PCDHGA11: variants seen among roughly 807,000 people sequenced by gnomAD.
PCDHGA11 encodes the protein protocadherin gamma subfamily A, 11, also known as protocadherin gamma-A11.
PCDHGA11 carries 39 observed loss-of-function variants against 60.4 expected under a neutral mutation model. The observed-to-expected ratio is 0.65, with a 90% CI of 0.50 to 0.84. The LOEUF (loss-of-function observed/expected upper bound fraction) is 0.84. Among genes scored for constraint, PCDHGA11 ranks in the 40% least tolerant of loss-of-function variants. PCDHGA11 has a pLI of 0.00. For synonymous variants in PCDHGA11, 533 were observed against 510.3 expected (o/e 1.04, Z -0.60); for missense variants, 1,165 against 1,197.7 (o/e 0.97, Z 0.40).
In PCDHGA11 at chr5:141,476,656, T is replaced by A. The variant is rs190269177; in HGVS notation, c.2434-18151T>A. 6.2e-7 allele frequency: 1 copy of A among 1,614,210 alleles called. No individual in the cohort carries two copies. The highest frequency in any genetic ancestry group is 1.3e-5 in the African/African-American group (1 of 75,064). ...ATGAGCTGAGCCGAAATGAATACTTTGCGCTTCGCGTGCAGACGCGGGAGG... is the reference window on the plus strand; with the variant it reads ...ATGAGCTGAGCCGAAATGAATACTTAGCGCTTCGCGTGCAGACGCGGGAGG... On this transcript the variant is annotated intron_variant, in intron 1 of 3. Coordinates refer to ENST00000398587, the MANE Select transcript of PCDHGA11 (RefSeq NM_018914.3). This position sits in a 1 kb window ranked among gnomAD's most constrained non-coding sequence, Gnocchi z 7.6.
chr5:141,436,298 T>C (rs1480546595), intron 1 of PCDHGA11, among the ~76,000 whole-genome samples: 3 of 152,186 alleles, frequency 2.0e-5, no homozygotes, highest in Non-Finnish European at 4.4e-5. Flanking sequence ...CATTGAGAGT[T>C]AGAGCATGAA....
chr5:141,455,492 T>G (rs958076901), intron 1 of PCDHGA11, among the ~76,000 whole-genome samples: 10 of 152,188 alleles, frequency 6.6e-5, no homozygotes, highest in Non-Finnish European at 1.2e-4. Context: ...GGAGGTGATG[T>G]CTGATTTGCA....
intron 1 of PCDHGA11, among the ~76,000 whole-genome samples, chr5:141,472,980 C>CA (rs60579131): frequency 0.042 from 3,623 of 85,966 alleles, 71 homozygotes; most frequent in South Asian, 0.079. Context: ...GAGTGAAACT[C>CA]AAAAAAAAAA....
At chr5:141,475,959 A>T (rs963363028) in intron 1 of PCDHGA11, 15 of 817,720 alleles carry the variant, frequency 1.8e-5, no homozygotes, top group East Asian at 2.6e-5. Context: ...GCGCCCCGGG[A>T]TGAGGCAGAG....
At chr5:141,438,621 T>C (rs1164140266) in intron 1 of PCDHGA11, among the ~76,000 whole-genome samples, 4 of 41,368 alleles carry the variant, frequency 9.7e-5, no homozygotes, top group Admixed American at 3.5e-4. Flanking sequence ...TATATATATA[T>C]ATATATATAT....
chr5:141,486,029 C>G lies in PCDHGA11; in HGVS notation c.2434-8778C>G. Reference sequence around the variant, plus strand: ...CACCTTTTATTTCAGTGGTCATACCCCTGATCGTGTAAGAAACCTCTTTAG... The same window carrying G: ...CACCTTTTATTTCAGTGGTCATACCGCTGATCGTGTAAGAAACCTCTTTAG... On this transcript the variant is annotated intron_variant, in intron 1 of 3. Transcript: ENST00000398587. The surrounding 1 kb of genome is among the most constrained non-coding windows in gnomAD (Gnocchi z 5.0). 6.2e-7 allele frequency: 1 copy of G among 1,614,016 alleles called. No homozygotes were observed. Among genetic ancestry groups the G allele is most frequent in the Non-Finnish European group, 8.5e-7 (1 of 1,179,900 alleles).
chr5:141,453,746 T>C (rs1345046460), intron 1 of PCDHGA11, among the ~76,000 whole-genome samples: 1 of 152,254 alleles, frequency 6.6e-6, no homozygotes, highest in Non-Finnish European at 1.5e-5. Flanking sequence ...TTAAATAACA[T>C]AAGTCTCCTA....
rs1407028245 is a variant in PCDHGA11, at chr5:141,423,313, G to A, written c.2086G>A (p.Val696Met). 3 of 1,614,184 alleles carry A rather than the reference G, an allele frequency of 1.9e-6. No homozygotes were observed. The highest frequency in any genetic ancestry group is 1.7e-6 in the Non-Finnish European group (2 of 1,180,018). Reference sequence around the variant, plus strand: ...CTCAGACCTCTCGCTGTACTTGGTGGTGGCGGTGGCCGCAGTCTCCTGCAT... The same window carrying A: ...CTCAGACCTCTCGCTGTACTTGGTGATGGCGGTGGCCGCAGTCTCCTGCAT... Reference protein sequence around the residue: ...ETSDLSLYLVVAVAAVSCIFL... With the variant: ...ETSDLSLYLVMAVAAVSCIFL... Residue 696 changes from valine to methionine, a missense_variant, in exon 1 of 4, where the codon GTG becomes ATG. Val to Met is a conservative substitution (Grantham distance 21). Coordinates refer to ENST00000398587, the MANE Select transcript of PCDHGA11 (RefSeq NM_018914.3).
chr5:141,472,980 C>CAAAAAAAAAAAAAAAAGAAAAAAAAA (rs2099308501), intron 1 of PCDHGA11, among the ~76,000 whole-genome samples: 1 of 86,106 alleles, frequency 1.2e-5, no homozygotes, highest in Non-Finnish European at 2.5e-5. Context: ...GAGTGAAACT[C>CAAAAAAAAAAAAAAAAGAAAAAAAAA]AAAAAAAAAA....
intron 1 of PCDHGA11, among the ~76,000 whole-genome samples, chr5:141,447,450 C>G (rs540357899): frequency 1.3e-5 from 2 of 152,082 alleles, no homozygotes; most frequent in African/African-American, 2.4e-5. Context: ...AATTTTTAAC[C>G]TCAGTTTTTC....
At position 141,432,015 on chromosome 5, in the gene PCDHGA11, A is replaced by G. The variant is rs745405194; in HGVS notation, c.2433+8355A>G. 6.2e-7 allele frequency: 1 copy of G among 1,614,196 alleles called. No individual in the cohort carries two copies. Among genetic ancestry groups the G allele is most frequent in the Admixed American group, 1.7e-5 (1 of 60,032 alleles). On this transcript the variant is annotated intron_variant, in intron 1 of 3. Coordinates refer to ENST00000398587, the MANE Select transcript of PCDHGA11 (RefSeq NM_018914.3). The surrounding 1 kb of genome is among the most constrained non-coding windows in gnomAD (Gnocchi z 6.0). ...GATAGGGAACAGGTTCCTAGCTACA[A>G]CATCACAGTGACCGCCACTGACCGG...
At chr5:141,501,206 A>G (rs977574347) in intron 2 of PCDHGA11, among the ~76,000 whole-genome samples, 22 of 151,674 alleles carry the variant, frequency 1.5e-4, no homozygotes, top group African/African-American at 5.3e-4. Context: ...GGGTGTTGTC[A>G]GGGTGACTTC....
intron 1 of PCDHGA11, among the ~76,000 whole-genome samples, chr5:141,448,422 T>C (rs1561930551): frequency 3.9e-5 from 6 of 152,150 alleles, no homozygotes; most frequent in Admixed American, 3.3e-4. Flanking sequence ...CAATATACTA[T>C]GTATATATTG....
chr5:141,477,438 C>T lies in PCDHGA11; in HGVS notation c.2434-17369C>T, dbSNP rs1386997844. On this transcript the variant is annotated intron_variant, in intron 1 of 3. Transcript: ENST00000398587. This position sits in a 1 kb window ranked among gnomAD's most constrained non-coding sequence, Gnocchi z 4.9. ...GGAACCCCTTCCCTCTCAGCCCTTA[C>T]AATAGTGCGTGTTCAAGTGTCCGAC... 6.2e-7 allele frequency: 1 copy of T among 1,614,174 alleles called. No homozygotes were observed. The highest frequency in any genetic ancestry group is 8.5e-7 in the Non-Finnish European group (1 of 1,180,030).
intron 1 of PCDHGA11, chr5:141,433,160 A>G: frequency 1.9e-6 from 3 of 1,613,848 alleles, no homozygotes; most frequent in Middle Eastern, 1.7e-4. Context: ...GGTATTTTCT[A>G]AAGACAGTCA....
At chr5:141,467,114 G>A (rs971182917) in intron 1 of PCDHGA11, among the ~76,000 whole-genome samples, 5 of 149,522 alleles carry the variant, frequency 3.3e-5, no homozygotes, top group South Asian at 2.1e-4. Context: ...GTACAATGGT[G>A]CAATCTCAGC....
intron 1 of PCDHGA11, among the ~76,000 whole-genome samples, chr5:141,447,221 C>A (rs1034853072): frequency 6.6e-6 from 1 of 152,026 alleles, no homozygotes; most frequent in Non-Finnish European, 1.5e-5. Context: ...CTCACTGCAA[C>A]CTCCGCCTCC....
chr5:141,460,224 T>C (rs986301555), intron 1 of PCDHGA11, among the ~76,000 whole-genome samples: 1 of 152,168 alleles, frequency 6.6e-6, no homozygotes, highest in African/African-American at 2.4e-5. Context: ...GTTGTGTCTT[T>C]TGAAGAGCAG....
At chr5:141,433,767 G>A (rs1237334342) in intron 1 of PCDHGA11, among the ~76,000 whole-genome samples, 1 of 151,532 alleles carries the variant, frequency 6.6e-6, no homozygotes, top group East Asian at 1.9e-4. Flanking sequence ...AACCTGGGAG[G>A]TGGAGGTTGC....
Sources: allele counts gnomAD v4.1 joint callset (sites outside exome capture counted in the v4.1 genomes callset), GRCh38; gene constraint gnomAD v4.1.1; non-coding constraint Gnocchi (gnomAD v3.1); transcripts MANE v1.5; gene names NCBI Gene and HGNC (gene_info 2026-07-23, HGNC 2026-07-21).